PLS3: variants seen among roughly 807,000 people sequenced by gnomAD.
PLS3 encodes plastin-3.
A neutral mutation model predicts 46.5 loss-of-function variants in PLS3; 11 were observed. The observed-to-expected ratio is 0.24, with a 90% CI of 0.15 to 0.39. PLS3 has a LOEUF of 0.39. PLS3 is among the 10% of genes least tolerant of loss of function. PLS3 has a pLI of 1.00. For synonymous variants in PLS3, 167 were observed against 162.2 expected, an observed-to-expected ratio of 1.03 and a Z score of -0.22; for missense variants, 308 against 461.8, an observed-to-expected ratio of 0.67 and a Z score of 3.05.
At chrX:115,583,905 A>G (rs1185737610) in intron 1 of PLS3, among the ~76,000 whole-genome samples, 1 of 111,147 alleles carries the variant, frequency 9.0e-6, no homozygotes. Flanking sequence ...GTTTGAGGAA[A>G]AACTTGATAC....
intron 1 of PLS3, among the ~76,000 whole-genome samples, chrX:115,574,771 G>A (rs1398919086): frequency 9.0e-6 from 1 of 111,603 alleles, no homozygotes; most frequent in African/African-American, 3.3e-5. Context: ...TAGAGACAGG[G>A]TTTCTCTATG....
chrX:115,575,560 C>T (rs2147421970), intron 1 of PLS3, among the ~76,000 whole-genome samples: 1 of 111,920 alleles, frequency 8.9e-6, no homozygotes, highest in African/African-American at 3.2e-5. Context: ...TCTCCTGCCT[C>T]AGCCTCCCAA....
rs1189792601 is a variant in PLS3, at chrX:115,619,413, A to C, written c.74-2833A>C. On this transcript the variant is annotated intron_variant, in intron 2 of 15. Transcript: ENST00000355899. Reference sequence around the variant, plus strand: ...GTAGGAAAAACAAGTTGGTATATGCATGGGAGCAGGTGTATTTAAGCCCAA... The same window carrying C: ...GTAGGAAAAACAAGTTGGTATATGCCTGGGAGCAGGTGTATTTAAGCCCAA... Among the ~76,000 whole-genome samples, 3 of 112,294 alleles carry C rather than the reference A, an allele frequency of 2.7e-5. No individual in the cohort carries two copies. The Admixed American group carries it at 2.8e-4, about 11-fold the overall frequency.
intron 10 of PLS3, among the ~76,000 whole-genome samples, chrX:115,644,063 A>G (rs2074926029): frequency 9.0e-6 from 1 of 111,178 alleles, no homozygotes; most frequent in South Asian, 3.8e-4. Context: ...TTAGGGTTAG[A>G]CCACTTTTTA....
Position 115,565,423 on chromosome X carries a change from T to C in PLS3, c.-9+4163T>C, listed in dbSNP as rs781937326. 3.6e-5 allele frequency among the ~76,000 whole-genome samples: 4 copies of C among 111,201 alleles called. No homozygotes were observed. In the East Asian group the frequency reaches 1.1e-3, roughly 31 times the overall value. On this transcript the variant is annotated intron_variant, in intron 1 of 15. Transcript: ENST00000355899. ...GGACAGATAGATTATCTTAAGTAAA[T>C]CATTGAACTTGCCCTCAGAGGAATT... is the stretch of plus-strand genomic sequence containing the variant.
In PLS3 at chrX:115,622,252, A is replaced by G; in HGVS notation, c.80A>G (p.Asn27Ser). 1 of 1,196,547 alleles carries G rather than the reference A, an allele frequency of 8.4e-7. No homozygotes were observed. The change falls in exon 3 of 16, where the codon AAC becomes AGC. Residue 27 changes from asparagine to serine, a missense_variant. Physicochemically the swap from Asn to Ser is conservative, Grantham distance 46. Coordinates refer to ENST00000355899, the MANE Select transcript of PLS3 (RefSeq NM_005032.7). ...LKEAFAKVDL[N>S]SNGFICDYEL... ...GCTCTCCTTTTTTACAAAGATCTCA[A>G]CAGCAACGGATTCATTTGTGACTAT...
At chrX:115,629,750 A>G (rs2074745575) in intron 4 of PLS3, 85 bp from the exon 5 acceptor site, 1 of 600,788 alleles carries the variant, frequency 1.7e-6, no homozygotes, top group East Asian at 3.5e-5. Flanking sequence ...TTTCAGCACT[A>G]CTGCACAACT....
chrX:115,639,534 TG>T (rs2074873415), intron 8 of PLS3, among the ~76,000 whole-genome samples: 1 of 111,977 alleles, frequency 8.9e-6, no homozygotes, highest in Non-Finnish European at 1.9e-5. Context: ...CTTCATAGCC[TG>T]TCTGGACCTT....
intron 1 of PLS3, among the ~76,000 whole-genome samples, chrX:115,578,051 C>A (rs189127594): frequency 1.2e-4 from 13 of 110,677 alleles, no homozygotes; most frequent in African/African-American, 4.3e-4. Flanking sequence ...ATATTATATG[C>A]TAATGTGTTA....
At chrX:115,607,974 G>A (rs993229151) in intron 1 of PLS3, among the ~76,000 whole-genome samples, 1 of 111,823 alleles carries the variant, frequency 8.9e-6, no homozygotes, top group Non-Finnish European at 1.9e-5. Context: ...AAAAAAAGGA[G>A]ATTAGAATAT....
intron 1 of PLS3, among the ~76,000 whole-genome samples, chrX:115,597,391 C>G (rs1332750044): frequency 1.8e-5 from 2 of 111,397 alleles, no homozygotes; most frequent in African/African-American, 6.5e-5. Flanking sequence ...GCAATCTCTT[C>G]TTCACATTAA....
At chrX:115,624,129 T>G (rs2074685732) in intron 3 of PLS3, among the ~76,000 whole-genome samples, 1 of 101,004 alleles carries the variant, frequency 9.9e-6, no homozygotes, top group African/African-American at 3.8e-5. Flanking sequence ...CTCGGGAGGC[T>G]GGGGCAAGAG....
intron 9 of PLS3, 66 bp downstream of exon 9, chrX:115,640,569 A>G (rs1344323151): frequency 1.7e-6 from 1 of 583,672 alleles, no homozygotes; most frequent in African/African-American, 2.2e-5. Context: ...TTATAAGTAC[A>G]ATAATTTTTA....
chrX:115,596,788 G>A (rs782544090), intron 1 of PLS3, among the ~76,000 whole-genome samples: 1 of 110,501 alleles, frequency 9.0e-6, no homozygotes, highest in African/African-American at 3.3e-5. Context: ...AGTGAGCTGA[G>A]ATAGAGCCAC....
intron 1 of PLS3, among the ~76,000 whole-genome samples, chrX:115,585,685 C>T (rs1183382497): frequency 9.0e-6 from 1 of 111,091 alleles, no homozygotes; most frequent in Non-Finnish European, 1.9e-5. Context: ...CCACTGCACC[C>T]GGTCTAAAAA....
chrX:115,623,385 G>A (rs941385673), intron 3 of PLS3, among the ~76,000 whole-genome samples: 1 of 110,555 alleles, frequency 9.0e-6, no homozygotes, highest in African/African-American at 3.3e-5. Context: ...GCCCAGCCTG[G>A]TAGCTCGAGC....
intron 5 of PLS3, among the ~76,000 whole-genome samples, chrX:115,630,400 A>G (rs782387501): frequency 9.0e-6 from 1 of 110,604 alleles, no homozygotes; most frequent in African/African-American, 3.3e-5. Context: ...CAACATTATC[A>G]ACACTGCCAG....
intron 1 of PLS3, among the ~76,000 whole-genome samples, chrX:115,564,276 T>C (rs782045327): frequency 8.9e-6 from 1 of 112,393 alleles, no homozygotes; most frequent in Non-Finnish European, 1.9e-5. Context: ...CCAAAGTCTC[T>C]AGTCTGATGT....
At chrX:115,606,155 C>CTTTTTTT (rs2074490104) in intron 1 of PLS3, among the ~76,000 whole-genome samples, 1 of 42,689 alleles carries the variant, frequency 2.3e-5, no homozygotes, top group Non-Finnish European at 4.2e-5. Context: ...TTTCTTTTTT[C>CTTTTTTT]TTTTCTTTTC....
Sources: gnomAD v4.1 joint callset for allele counts (sites outside exome capture counted in the v4.1 genomes callset) on GRCh38, gnomAD v4.1.1 for gene constraint, MANE v1.5 for transcripts, NCBI Gene and HGNC (gene_info 2026-07-23, HGNC 2026-07-21) for gene names.